NBPF3: variants seen among roughly 807,000 people sequenced by gnomAD.
NBPF3 encodes the protein NBPF family member NBPF3.
In NBPF3, 57 loss-of-function variants were observed where a neutral mutation model predicts 78.1. The observed-to-expected ratio is 0.73, with a 90% CI of 0.59 to 0.91. NBPF3 has a LOEUF of 0.91. Ranked by LOEUF, NBPF3 falls within the 40% of genes least tolerant of loss-of-function variation. The probability of loss-of-function intolerance (pLI) is 0.00; values close to 1 mark genes in which losing one functional copy is unlikely to be tolerated. For missense variants in NBPF3, 510 were observed against 715.3 expected (o/e 0.71, Z 3.27); for synonymous variants, 182 against 271.7 (o/e 0.67, Z 3.25).
At chr1:21,467,019 A>T (rs1170180123) in intron 2 of NBPF3, 1 of 984,848 alleles carries the variant, frequency 1.0e-6, no homozygotes, top group African/African-American at 1.7e-5. Context: ...CCCCTGTGTG[A>T]CCTCAAGTAA....
At chr1:21,473,328 C>T in intron 6 of NBPF3, 52 bp from the exon 7 acceptor site, 1 of 1,587,378 alleles carries the variant, frequency 6.3e-7, no homozygotes. Flanking sequence ...CCCTGGTGTC[C>T]AATCCCTCTG....
At position 21,459,829 on chromosome 1, in the gene NBPF3, C is replaced by T. The variant is rs1452984585; in HGVS notation, c.134-8859C>T. 30 of 275,608 alleles carry T rather than the reference C, an allele frequency of 1.1e-4. 2 individuals are homozygous for T. The highest frequency in any genetic ancestry group is 9.6e-4 in the South Asian group (21 of 21,972). The allele number at this position is 275,608 out of a possible 1,614,324, so 17.1% of individuals were successfully genotyped here. On this transcript the variant is annotated intron_variant, in intron 2 of 14. Transcript: ENST00000318249. ...CCGATGCTCTTCGTTTGAAGATGCA[C>T]GGTCAGTTCCCCATCCTGCAGCAGT... is the stretch of plus-strand genomic sequence containing the variant.
chr1:21,445,712 G>T (rs1640930882), intron 2 of NBPF3, among the ~76,000 whole-genome samples: 2 of 152,216 alleles, frequency 1.3e-5, no homozygotes, highest in Admixed American at 1.3e-4. Flanking sequence ...CTAGGATGGG[G>T]AAACATGGCT....
chr1:21,472,176 AT>A (rs1642635368), intron 5 of NBPF3, among the ~76,000 whole-genome samples: 1 of 152,304 alleles, frequency 6.6e-6, no homozygotes, highest in African/African-American at 2.4e-5. Flanking sequence ...TGAGTGATTT[AT>A]CCTTCCTGAG....
chr1:21,478,037 T>G, intron 8 of NBPF3, 107 bp from the exon 9 acceptor site: 2 of 1,607,570 alleles, frequency 1.2e-6, no homozygotes, highest in Non-Finnish European at 1.7e-6. Flanking sequence ...TGCCTTTGGT[T>G]TCTGTGAGCA....
At chr1:21,479,752 T>G (rs1643080276) in intron 10 of NBPF3, among the ~76,000 whole-genome samples, 2 of 152,076 alleles carry the variant, frequency 1.3e-5, no homozygotes, top group South Asian at 4.2e-4. Context: ...TCTTTGACTC[T>G]CTCATCAGTG....
At chr1:21,450,093 A>G (rs1641222211) in intron 2 of NBPF3, among the ~76,000 whole-genome samples, 1 of 152,244 alleles carries the variant, frequency 6.6e-6, no homozygotes, top group African/African-American at 2.4e-5. Context: ...GAAGTCTGGA[A>G]TGAAGCGGCT....
At chr1:21,438,644 A>G (rs1640480914), upstream of NBPF3, among the ~76,000 whole-genome samples, 2 of 152,180 alleles carry the variant, frequency 1.3e-5, no homozygotes, top group Admixed American at 1.3e-4. Flanking sequence ...TAAGCAGTCC[A>G]TGGATATTTA....
At chr1:21,477,630 A>G (rs962611366) in intron 8 of NBPF3, among the ~76,000 whole-genome samples, 1 of 152,156 alleles carries the variant, frequency 6.6e-6, no homozygotes, top group African/African-American at 2.4e-5. Context: ...AAATCCAGGG[A>G]GAGAATGTAT....
intron 2 of NBPF3, among the ~76,000 whole-genome samples, chr1:21,450,117 A>G (rs897315545): frequency 6.6e-6 from 1 of 152,040 alleles, no homozygotes; most frequent in African/African-American, 2.4e-5. Flanking sequence ...TTCTCTGATC[A>G]GAGTCATGTG....
At chr1:21,452,953 G>A (rs1281994469) in intron 2 of NBPF3, among the ~76,000 whole-genome samples, 2 of 152,176 alleles carry the variant, frequency 1.3e-5, no homozygotes, top group African/African-American at 2.4e-5. Context: ...TTGACTCCTG[G>A]GTTAGTGCTT....
At position 21,470,690 on chromosome 1, in the gene NBPF3, A is replaced by C. The variant is rs773363451; in HGVS notation, c.402A>C (p.Thr134=). Residue 134 remains threonine (T), a synonymous_variant, in exon 4 of 15, where the codon ACA becomes ACC. Transcript: ENST00000318249. The part of the protein sequence containing the change: ...KSMLRDERLL[T]EEKLAEELGQ... ...TGCTGAGGGATGAGCGGCTGCTCACAGAAGAGAAGCTTGCAGAGGAGCTCG... is the reference window on the plus strand; with the variant it reads ...TGCTGAGGGATGAGCGGCTGCTCACCGAAGAGAAGCTTGCAGAGGAGCTCG... 2 of 1,601,446 alleles carry C rather than the reference A, an allele frequency of 1.2e-6. No homozygotes were observed.
Position 21,473,565 on chromosome 1 carries a change from A to G in NBPF3, c.920A>G (p.Asp307Gly). ...TCATCCTCTCATGATGAATGGTTGG[A>G]TGCTGTATGCATTATCCCAGGTAGC... ...IDSSSHDEWL[D>G]AVCIIPENES... is the part of the protein sequence containing the mutation. The change falls in exon 7 of 15, where the codon GAT (aspartate) becomes GGT (glycine). Residue 307 changes from aspartate (D) to glycine (G), a missense_variant. By Grantham distance (94) the Asp-to-Gly change is moderately conservative. This residue lies in a region of NBPF3 where 440 missense variants were observed against 478.2 expected (regional missense o/e 0.92). Coordinates refer to ENST00000318249, the MANE Select transcript of NBPF3 (RefSeq NM_032264.6). The G allele has an allele frequency of 6.2e-7, 1 of 1,614,124 alleles. No individual in the cohort carries two copies. Among genetic ancestry groups the G allele is most frequent in the East Asian group, 2.2e-5 (1 of 44,892 alleles).
At chr1:21,440,961 G>A (rs1441184608) in intron 1 of NBPF3, 1 of 152,400 alleles carries the variant, frequency 6.6e-6, no homozygotes, top group Non-Finnish European at 1.5e-5. Flanking sequence ...AGGAGTTGCT[G>A]TGGTTTCCCT....
Position 21,478,173 on chromosome 1 carries a change from C to A in NBPF3, c.1022C>A (p.Ala341Asp), listed in dbSNP as rs1211259242. The A allele has an allele frequency of 1.9e-6, 3 of 1,614,034 alleles. No homozygotes were observed. Among genetic ancestry groups the A allele is most frequent in the Non-Finnish European group, 2.5e-6 (3 of 1,180,022 alleles). The change falls in exon 9 of 15, where the codon GCC becomes GAC. Residue 341 changes from alanine to aspartate, a missense_variant. Ala to Asp is a moderately radical substitution (Grantham distance 126). Transcript: ENST00000318249. ...RNLQESEEEE[A>D]PQESWDEGDW... ...CTGCAGGAGTCTGAAGAGGAGGAAG[C>A]CCCCCAGGAGTCCTGGGATGAAGGT...
intron 7 of NBPF3, 54 bp from the exon 8 acceptor site, chr1:21,474,846 A>G: frequency 6.7e-7 from 1 of 1,487,954 alleles, no homozygotes; most frequent in African/African-American, 1.4e-5. Flanking sequence ...TGATTTGGTC[A>G]TATGTGGAGT....
At chr1:21,452,211 C>A (rs1434924175) in intron 2 of NBPF3, among the ~76,000 whole-genome samples, 2 of 152,198 alleles carry the variant, frequency 1.3e-5, no homozygotes, top group East Asian at 3.8e-4. Flanking sequence ...AGTTTGCTGT[C>A]TGTCCCCTCC....
chr1:21,475,084 G>A, intron 8 of NBPF3, 133 bp downstream of exon 8: 1 of 762,336 alleles, frequency 1.3e-6, no homozygotes. Flanking sequence ...TATTAACAAT[G>A]TTGTACATTA....
intron 5 of NBPF3, 48 bp from the exon 6 acceptor site, chr1:21,472,795 C>G (rs745476849): frequency 7.5e-7 from 1 of 1,336,290 alleles, no homozygotes; most frequent in South Asian, 1.2e-5. Flanking sequence ...ACTGTGCTTG[C>G]AGAGTGTGAA....
Sources: allele counts gnomAD v4.1 joint callset (sites outside exome capture counted in the v4.1 genomes callset), GRCh38; gene constraint gnomAD v4.1.1; regional missense constraint gnomAD v4.1.1; transcripts MANE v1.5; gene names NCBI Gene and HGNC (gene_info 2026-07-23, HGNC 2026-07-21).